The following CELF2 variants were observed in gnomAD, a reference collection of about 807,000 sequenced individuals.
CELF2 encodes the protein CUGBP Elav-like family member 2, also known as CUG triplet repeat RNA-binding protein 2.
In CELF2, 8 loss-of-function variants were observed where a neutral mutation model predicts 62.6. The ratio of observed to expected loss-of-function variants is 0.13; its 90% confidence interval spans 0.07 to 0.23. CELF2 has a LOEUF of 0.23. Among genes scored for constraint, CELF2 ranks in the 10% least tolerant of loss-of-function variants. The probability of loss-of-function intolerance (pLI) is 1.00; values close to 1 mark genes in which losing one functional copy is unlikely to be tolerated. For synonymous variants in CELF2, 258 were observed against 250.0 expected, an observed-to-expected ratio of 1.03 and a Z score of -0.30; for missense variants, 333 against 671.0, an observed-to-expected ratio of 0.50 and a Z score of 5.56.
Position 11,246,085 on chromosome 10 carries a change from C to T in CELF2, c.355-3068C>T, listed in dbSNP as rs922336317. ...ATAGGGGCTCTGTTTTTGCTGCTCC[C>T]GAATTTCCACCTGCCATCATCCACG... On this transcript the variant is annotated intron_variant, in intron 3 of 12. Transcript: ENST00000633077. The surrounding 1 kb of genome is among the most constrained non-coding windows in gnomAD (Gnocchi z 4.6). 2.0e-5 allele frequency among the ~76,000 whole-genome samples: 3 copies of T among 152,130 alleles called. No homozygotes were observed. Among genetic ancestry groups the T allele is most frequent in the Admixed American group, 6.5e-5 (1 of 15,276 alleles).
intron 1 of CELF2, among the ~76,000 whole-genome samples, chr10:10,902,299 T>C (rs2062992327): frequency 6.6e-6 from 1 of 152,216 alleles, no homozygotes; most frequent in African/African-American, 2.4e-5. Flanking sequence ...TGAATGTTCA[T>C]AGCAACTCTA....
At chr10:11,257,358 A>G (rs922902780) in intron 4 of CELF2, among the ~76,000 whole-genome samples, 2 of 147,476 alleles carry the variant, frequency 1.4e-5, no homozygotes, top group Non-Finnish European at 3.0e-5. Context: ...AAAAAAAAAC[A>G]GAATAAAATC....
the CELF2 span, among the ~76,000 whole-genome samples, chr10:10,700,826 A>G: frequency 8.9e-3 from 1,351 of 152,310 alleles, 23 homozygotes; most frequent in African/African-American, 0.031. Flanking sequence ...TAAAGCTAAT[A>G]CAATTGATAT....
chr10:11,056,988 G>C (rs546111408), intron 1 of CELF2, among the ~76,000 whole-genome samples: 4 of 152,180 alleles, frequency 2.6e-5, no homozygotes, highest in Non-Finnish European at 5.9e-5. Flanking sequence ...GAACCGCTGC[G>C]TGAAGTGTCC....
intron 3 of CELF2, among the ~76,000 whole-genome samples, chr10:11,233,662 A>G (rs550527538): frequency 6.6e-5 from 10 of 152,324 alleles, no homozygotes; most frequent in African/African-American, 1.9e-4. Flanking sequence ...GCCAAACGCA[A>G]GAAATGGTCT....
upstream of CELF2, among the ~76,000 whole-genome samples, chr10:10,797,348 GTTC>G (rs1221604995): frequency 1.3e-5 from 2 of 150,908 alleles, no homozygotes; most frequent in African/African-American, 4.9e-5. Context: ...GTGCAGGTAT[GTTC>G]TTAACACTCT....
chr10:10,883,576 T>C (rs2061569230), intron 1 of CELF2, among the ~76,000 whole-genome samples: 1 of 152,062 alleles, frequency 6.6e-6, no homozygotes, highest in African/African-American at 2.4e-5. Context: ...GGGAGTGTAG[T>C]TGTGTGCTTC....
intron 1 of CELF2, chr10:11,096,197 A>G (rs1190684538): frequency 6.6e-6 from 1 of 152,252 alleles, no homozygotes; most frequent in African/African-American, 2.4e-5. Flanking sequence ...AAGGTAATCT[A>G]TTAGAAGAGC....
At chr10:10,483,842 C>G in the CELF2 span, among the ~76,000 whole-genome samples, 1 of 151,780 alleles carries the variant, frequency 6.6e-6, no homozygotes, top group African/African-American at 2.4e-5. Flanking sequence ...TTGCAGAAAG[C>G]CTGCTTGCCT....
chr10:11,142,922 TTA>T (rs2061605333), intron 1 of CELF2, among the ~76,000 whole-genome samples: 1 of 136,758 alleles, frequency 7.3e-6, no homozygotes, highest in African/African-American at 2.8e-5. Context: ...TCCACTGGGG[TTA>T]CTCAGTCCCC....
the CELF2 span, among the ~76,000 whole-genome samples, chr10:10,678,832 G>C: frequency 6.6e-6 from 1 of 152,194 alleles, no homozygotes; most frequent in Non-Finnish European, 1.5e-5. Flanking sequence ...GGGGATCTGA[G>C]CTTTCGAAGT....
chr10:11,180,966 T>C lies in CELF2; in HGVS notation c.271+15284T>C, dbSNP rs371703130. Among the ~76,000 whole-genome samples the C allele has an allele frequency of 3.3e-5, 5 of 152,106 alleles. No individual in the cohort carries two copies. In the East Asian group the frequency reaches 7.7e-4, roughly 23 times the overall value. ...CTCACTGCAAGTTCTGCCTCCCAGGTTCAAGCGATTCTCCTGCCTCAGCTT... is the reference window on the plus strand; with the variant it reads ...CTCACTGCAAGTTCTGCCTCCCAGGCTCAAGCGATTCTCCTGCCTCAGCTT... On this transcript the variant is annotated intron_variant, in intron 2 of 12. Coordinates refer to ENST00000633077, the MANE Select transcript of CELF2 (RefSeq NM_001326342.2).
chr10:11,259,960 C>T (rs1179246490), intron 5 of CELF2, among the ~76,000 whole-genome samples: 4 of 152,244 alleles, frequency 2.6e-5, no homozygotes, highest in African/African-American at 7.2e-5. Flanking sequence ...TCAGTGTTAC[C>T]GTAGTAATTT....
chr10:10,552,268 C>T, the CELF2 span, among the ~76,000 whole-genome samples: 12 of 152,254 alleles, frequency 7.9e-5, no homozygotes, highest in South Asian at 2.3e-3. Context: ...AATGGCAGCC[C>T]ATTGTTACAG....
intron 2 of CELF2, among the ~76,000 whole-genome samples, chr10:11,205,786 C>G (rs1191538856): frequency 6.6e-6 from 1 of 152,216 alleles, no homozygotes; most frequent in Non-Finnish European, 1.5e-5. Flanking sequence ...TCTCTGATCT[C>G]CGTACACATG....
chr10:11,198,955 T>G (rs2058597367), intron 2 of CELF2, among the ~76,000 whole-genome samples: 1 of 152,126 alleles, frequency 6.6e-6, no homozygotes, highest in Non-Finnish European at 1.5e-5. Flanking sequence ...AGCTTTCCAG[T>G]TAATAGGGAA....
the CELF2 span, among the ~76,000 whole-genome samples, chr10:10,539,467 G>A: frequency 1.5e-5 from 1 of 64,960 alleles, no homozygotes; most frequent in Non-Finnish European, 2.7e-5. Context: ...CCCCACCTCT[G>A]TGCTACTTTA....
the CELF2 span, among the ~76,000 whole-genome samples, chr10:10,587,963 C>A: frequency 6.6e-6 from 1 of 151,984 alleles, no homozygotes; most frequent in African/African-American, 2.4e-5. Context: ...GTTAACTGCT[C>A]CCCCTCCGCC....
In CELF2 at chr10:10,934,154, C is replaced by T. The variant is rs1410501717; in HGVS notation, c.89+14155C>T. On this transcript the variant is annotated intron_variant, in intron 2 of 13. Transcript: ENST00000636488. This position sits in a 1 kb window ranked among gnomAD's most constrained non-coding sequence, Gnocchi z 4.4. ...CCATTTTAATTGGGGTGAGGTGATA[C>T]CTTATTGTGATTTGCTTTGTTTTGT... is the stretch of plus-strand genomic sequence containing the variant. Among the ~76,000 whole-genome samples, 1 of 152,100 alleles carries T rather than the reference C, an allele frequency of 6.6e-6. No homozygotes were observed. The highest frequency in any genetic ancestry group is 1.9e-4 in the East Asian group (1 of 5,200).
Sources: gnomAD v4.1 joint callset for allele counts (sites outside exome capture counted in the v4.1 genomes callset) on GRCh38, gnomAD v4.1.1 for gene constraint, Gnocchi (gnomAD v3.1) non-coding constraint, MANE v1.5 for transcripts, NCBI Gene and HGNC (gene_info 2026-07-23, HGNC 2026-07-21) for gene names.